The following TRIM51G variants were observed in gnomAD, a reference collection of about 807,000 sequenced individuals.
TRIM51G encodes tripartite motif-containing protein 51G.
the TRIM51G span, chr11:48,975,820 T>G: frequency 2.1e-6 from 3 of 1,417,022 alleles, no homozygotes; most frequent in Non-Finnish European, 3.0e-6. Context: ...GTGCCCCATG[T>G]TAAACTCCCA....
At chr11:48,983,095 AAC>A in the TRIM51G span, among the ~76,000 whole-genome samples, 2 of 95,348 alleles carry the variant, frequency 2.1e-5, no homozygotes, top group Non-Finnish European at 4.2e-5. Context: ...TCTTTTACTA[AAC>A]ACTGCTGAAT....
At chr11:48,975,636 G>A in the TRIM51G span, 16 of 1,407,396 alleles carry the variant, frequency 1.1e-5, no homozygotes, top group African/African-American at 9.9e-5. Context: ...ATCCTACTGT[G>A]TCTGTAGGTC....
At chr11:48,982,956 CATAT>C in the TRIM51G span, among the ~76,000 whole-genome samples, 7 of 33,058 alleles carry the variant, frequency 2.1e-4, no homozygotes, top group African/African-American at 5.1e-4. Context: ...GGTATATATA[CATAT>C]ATATATATAT....
At chr11:48,978,725 A>C in the TRIM51G span, 1 of 566,506 alleles carries the variant, frequency 1.8e-6, no homozygotes, top group African/African-American at 1.9e-5. Flanking sequence ...GAGAGGCTGT[A>C]CCCTCCCAAC....
chr11:48,979,051 C>G, the TRIM51G span: 108 of 917,120 alleles, frequency 1.2e-4, 1 homozygote, highest in Non-Finnish European at 1.6e-4. Flanking sequence ...AAAAATGCAA[C>G]CATCTTATGA....
chr11:48,978,143 T>C, the TRIM51G span: 5 of 528,072 alleles, frequency 9.5e-6, no homozygotes, highest in South Asian at 2.8e-5. Context: ...CTCACCTTTG[T>C]AATATGTCTC....
chr11:48,978,110 A>C, the TRIM51G span: 224 of 512,488 alleles, frequency 4.4e-4, no homozygotes, highest in Middle Eastern at 3.2e-4. Flanking sequence ...AACTGAAAGA[A>C]TCTGCTAAAA....
chr11:48,981,824 C>T, the TRIM51G span: 16 of 1,016,542 alleles, frequency 1.6e-5, no homozygotes, highest in Middle Eastern at 3.3e-4. Flanking sequence ...CAAACTATTT[C>T]CTCTGTAACA....
At chr11:48,983,874 G>A in the TRIM51G span, among the ~76,000 whole-genome samples, 3 of 151,956 alleles carry the variant, frequency 2.0e-5, no homozygotes, top group Non-Finnish European at 4.4e-5. Context: ...TCTAAGTGCT[G>A]TCCTCCTCTG....
chr11:48,981,724 A>C, the TRIM51G span: 3 of 1,591,238 alleles, frequency 1.9e-6, no homozygotes, highest in Non-Finnish European at 2.6e-6. Flanking sequence ...GCAGCATGTC[A>C]TTTTGGGTTC....
the TRIM51G span, chr11:48,981,004 G>T: frequency 3.4e-6 from 2 of 587,988 alleles, no homozygotes; most frequent in Non-Finnish European, 6.5e-6. Context: ...AGCTCCTCCT[G>T]CAAAAGAGCC....
the TRIM51G span, chr11:48,976,967 A>G: frequency 3.4e-6 from 2 of 589,788 alleles, no homozygotes; most frequent in Non-Finnish European, 6.2e-6. Context: ...TTGTATCGTC[A>G]TATGGTTCAC....
At chr11:48,981,382 T>A in the TRIM51G span, 1 of 1,607,592 alleles carries the variant, frequency 6.2e-7, no homozygotes, top group Admixed American at 1.7e-5. Context: ...CTTGTCCACT[T>A]CACAGAACAT....
At chr11:48,983,462 C>T in the TRIM51G span, among the ~76,000 whole-genome samples, 3 of 151,956 alleles carry the variant, frequency 2.0e-5, no homozygotes, top group African/African-American at 4.8e-5. Flanking sequence ...ATGCAGTACA[C>T]ATATATAGGT....
the TRIM51G span, chr11:48,976,103 A>C: frequency 8.2e-6 from 3 of 367,356 alleles, no homozygotes; most frequent in Admixed American, 3.7e-5. Flanking sequence ...AAGAAATTTG[A>C]AGTTACAAGG....
At chr11:48,981,109 G>T in the TRIM51G span, 3 of 1,106,202 alleles carry the variant, frequency 2.7e-6, no homozygotes, top group Non-Finnish European at 3.9e-6. Context: ...ACAGAAAATA[G>T]AGTTTGCTTT....
the TRIM51G span, chr11:48,975,886 T>A: frequency 1.2e-6 from 1 of 829,086 alleles, no homozygotes; most frequent in South Asian, 1.3e-5. Context: ...ACATTCAGAT[T>A]TATCAGTGAT....
At chr11:48,979,083 A>G in the TRIM51G span, 1 of 817,006 alleles carries the variant, frequency 1.2e-6, no homozygotes, top group Non-Finnish European at 2.2e-6. Flanking sequence ...GATTGCTTCT[A>G]TCCTTAAACT....
chr11:48,980,877 TG>T, the TRIM51G span: 1 of 473,724 alleles, frequency 2.1e-6, no homozygotes, highest in Non-Finnish European at 4.4e-6. Context: ...CATAAGTTCC[TG>T]GAGAAGGTAG....
Sources: gnomAD v4.1 joint callset for allele counts (sites outside exome capture counted in the v4.1 genomes callset) on GRCh38, gnomAD v4.1.1 for gene constraint, MANE v1.5 for transcripts, NCBI Gene and HGNC (gene_info 2026-07-23, HGNC 2026-07-21) for gene names.